The following LY75 variants were observed in gnomAD, a reference collection of about 807,000 sequenced individuals.
LY75 encodes C-type lectin domain family 13 member B.
In LY75, 185 loss-of-function variants were observed where a neutral mutation model predicts 231.7. That is an observed-to-expected ratio of 0.80 (90% confidence interval 0.71 to 0.90). LY75 has a LOEUF of 0.90. Ranked by LOEUF, LY75 falls within the 40% of genes least tolerant of loss-of-function variation. The probability of loss-of-function intolerance (pLI) is 0.00; values close to 1 mark genes in which losing one functional copy is unlikely to be tolerated. For missense variants in LY75, 1,947 were observed against 2,050.2 expected (o/e 0.95, Z 0.97); for synonymous variants, 668 against 689.0 (o/e 0.97, Z 0.48).
chr2:159,849,881 A>ATGGAATAATACAGTGGGG, intron 23 of LY75, 99 bp downstream of exon 23: 1 of 1,446,816 alleles, frequency 6.9e-7, no homozygotes, highest in Non-Finnish European at 9.2e-7. Context: ...TTTCATACAA[A>ATGGAATAATACAGTGGGG]TGGAATAATA....
intron 23 of LY75, among the ~76,000 whole-genome samples, chr2:159,844,623 T>C (rs1286934603): frequency 6.6e-6 from 1 of 151,896 alleles, no homozygotes; most frequent in Non-Finnish European, 1.5e-5. Flanking sequence ...CTGTTGCTTG[T>C]ATATTATTAT....
At chr2:159,828,630 G>T (rs1683552940) in intron 28 of LY75, among the ~76,000 whole-genome samples, 2 of 151,970 alleles carry the variant, frequency 1.3e-5, no homozygotes, top group Admixed American at 1.3e-4. Flanking sequence ...TATTCCCAGG[G>T]GTTTACCCAA....
At chr2:159,817,536 G>A (rs1683156096) in intron 29 of LY75, among the ~76,000 whole-genome samples, 2 of 152,118 alleles carry the variant, frequency 1.3e-5, no homozygotes, top group African/African-American at 4.8e-5. Context: ...AGCTCCCAAG[G>A]GCCAAAGCTG....
intron 28 of LY75, among the ~76,000 whole-genome samples, chr2:159,825,679 C>A (rs149467603): frequency 6.6e-6 from 1 of 152,210 alleles, no homozygotes; most frequent in Non-Finnish European, 1.5e-5. Flanking sequence ...AGGCCAATAT[C>A]TCTGATGAAC....
In LY75 at chr2:159,850,039, GCT is replaced by G. The variant is rs1488054703; in HGVS notation, c.3089_3090del (p.Glu1030AlafsTer5). 5 of 1,613,830 alleles carry G rather than the reference GCT, an allele frequency of 3.1e-6. No homozygotes were observed. Among genetic ancestry groups the G allele is most frequent in the Non-Finnish European group, 3.4e-6 (4 of 1,179,914 alleles). ...AATGGGTGAAAGTTACTGTACGTCA[GCT>G]CTCTGTTATCTGTCCATTTGTTTAT... The part of the protein sequence containing the change: ...EKINKWTDNR[E>X]LTYSNFHPLL... On this transcript the variant is annotated frameshift_variant, in exon 23 of 35. Transcript: ENST00000263636. LOFTEE classifies it high-confidence loss of function.
chr2:159,864,870 TG>T lies in LY75; in HGVS notation c.2167del (p.Gln723LysfsTer55). ...IGLNKRSPDL[Q>X]GSWQWSDRTP... ...ACGATCACTCCATTGCCAGGATCCT[TG>T]TAAATCTGGGCTCCTTTTATTCAAA... On this transcript the variant is annotated frameshift_variant, in exon 14 of 35. Transcript: ENST00000263636. LOFTEE classifies it high-confidence loss of function. 6.2e-7 allele frequency: 1 copy of T among 1,604,820 alleles called. No individual in the cohort carries two copies. Among genetic ancestry groups the T allele is most frequent in the Non-Finnish European group, 8.5e-7 (1 of 1,175,622 alleles).
chr2:159,854,857 G>A (rs1412619836), intron 17 of LY75, 47 bp downstream of exon 17: 2 of 1,607,668 alleles, frequency 1.2e-6, no homozygotes, highest in South Asian at 1.1e-5. Context: ...ATGCATTAGT[G>A]ACAAGGTAAA....
At chr2:159,815,229 C>T (rs921136345) in intron 31 of LY75, among the ~76,000 whole-genome samples, 176 bp downstream of exon 31, 1 of 152,176 alleles carries the variant, frequency 6.6e-6, no homozygotes, top group African/African-American at 2.4e-5. Flanking sequence ...TCTCCATCTC[C>T]TGACCTCGTG....
chr2:159,876,868 G>A (rs1254794149), intron 11 of LY75, among the ~76,000 whole-genome samples: 2 of 151,732 alleles, frequency 1.3e-5, no homozygotes, highest in African/African-American at 4.8e-5. Context: ...AATTAGCTGG[G>A]CATGGTGGCA....
At chr2:159,883,023 C>T (rs541146990) in intron 6 of LY75, among the ~76,000 whole-genome samples, 5 of 150,962 alleles carry the variant, frequency 3.3e-5, no homozygotes, top group African/African-American at 4.9e-5. Flanking sequence ...CTTCTATCCC[C>T]GTTAACAAAA....
intron 17 of LY75, 107 bp from the exon 18 acceptor site, chr2:159,854,642 G>C (rs1226551566): frequency 1.5e-6 from 2 of 1,337,252 alleles, no homozygotes; most frequent in Non-Finnish European, 2.0e-6. Context: ...CAGATTACCG[G>C]CCCTCTCTGG....
intron 13 of LY75, among the ~76,000 whole-genome samples, chr2:159,867,451 T>C (rs955219307): frequency 6.6e-6 from 1 of 152,170 alleles, no homozygotes. Flanking sequence ...TGATCATAAC[T>C]GGGGAATCAA....
intron 23 of LY75, among the ~76,000 whole-genome samples, chr2:159,844,575 A>G (rs906098368): frequency 2.6e-5 from 4 of 152,058 alleles, no homozygotes; most frequent in African/African-American, 9.7e-5. Flanking sequence ...TGAGGCATGA[A>G]ATGAAAACGA....
rs1165816444 is a variant in LY75, at chr2:159,874,967, AAT to A, written c.1974+475_1974+476del. Among the ~76,000 whole-genome samples the A allele has an allele frequency of 1.0e-3, 143 of 138,078 alleles. 3 individuals are homozygous for A. Among genetic ancestry groups the A allele is most frequent in the Non-Finnish European group, 1.9e-3 (122 of 64,208 alleles). 90.6% of individuals were successfully genotyped at this position (138,078 alleles called of 152,430 possible). ...TAAATATATTTATAAATATATTTAT[AAT>A]ATATATATTGTAAATATGTTTATAA... On this transcript the variant is annotated intron_variant, in intron 12 of 34. Coordinates refer to ENST00000263636, the MANE Select transcript of LY75 (RefSeq NM_002349.4).
intron 27 of LY75, among the ~76,000 whole-genome samples, chr2:159,833,838 T>C (rs1038784501): frequency 6.6e-6 from 1 of 152,108 alleles, no homozygotes; most frequent in Non-Finnish European, 1.5e-5. Context: ...ATCTGATGGT[T>C]TTACAAAGGG....
At chr2:159,808,129 T>G (rs914943551) in intron 33 of LY75, 22 of 985,106 alleles carry the variant, frequency 2.2e-5, no homozygotes, top group Non-Finnish European at 2.7e-5. Context: ...CAGGCATGGG[T>G]TCCTTGTGGG....
rs181962656 is a variant in LY75, at chr2:159,852,391, C to A, written c.2744-51G>T. On this transcript the variant is annotated intron_variant, in intron 20 of 34. Transcript: ENST00000263636. ...TATGGTGAGAATTTTTCAGTCAGTA[C>A]ATTTTTATTTTGTTTTGTGTGTTTT... 5.3e-4 allele frequency: 817 copies of A among 1,546,892 alleles called. 1 individual carries two copies. The highest frequency in any genetic ancestry group is 6.3e-4 in the Admixed American group (31 of 49,170).
chr2:159,805,969 C>T (rs929774871), intron 34 of LY75, among the ~76,000 whole-genome samples: 1 of 152,182 alleles, frequency 6.6e-6, no homozygotes, highest in Non-Finnish European at 1.5e-5. Flanking sequence ...AGCGCTCAGC[C>T]AACTTGTTCT....
At chr2:159,885,066 C>T (rs770009823) in intron 6 of LY75, 87 bp downstream of exon 6, 16 of 1,528,954 alleles carry the variant, frequency 1.0e-5, no homozygotes, top group East Asian at 6.9e-5. Context: ...AAGGTGGAAA[C>T]GGATGTTGGA....
Sources: allele counts gnomAD v4.1 joint callset (sites outside exome capture counted in the v4.1 genomes callset), GRCh38; gene constraint gnomAD v4.1.1; transcripts MANE v1.5; gene names NCBI Gene and HGNC (gene_info 2026-07-23, HGNC 2026-07-21).